Variants in ARHGAP26 observed in about 807,000 individuals in gnomAD.
ARHGAP26 encodes the protein Rho GTPase activating protein 26.
A neutral mutation model predicts 104.8 loss-of-function variants in ARHGAP26; 38 were observed. That is an observed-to-expected ratio of 0.36 (90% CI 0.28 to 0.48). The LOEUF (loss-of-function observed/expected upper bound fraction) is 0.48, where lower values mean the gene tolerates loss of function less well. ARHGAP26 is among the 20% of genes least tolerant of loss of function. The probability of loss-of-function intolerance (pLI) is 0.99; values close to 1 mark genes in which losing one functional copy is unlikely to be tolerated. For synonymous variants in ARHGAP26, 341 were observed against 340.0 expected (o/e 1.00, Z -0.03); for missense variants, 704 against 947.9 (o/e 0.74, Z 3.38).
At chr5:142,832,698 G>A (rs1289037354) in intron 1 of ARHGAP26, among the ~76,000 whole-genome samples, 1 of 152,174 alleles carries the variant, frequency 6.6e-6, no homozygotes, top group Non-Finnish European at 1.5e-5. Context: ...TGGTCAAAAT[G>A]TAAGAGCAAG....
At chr5:142,980,810 A>G (rs1773837517) in intron 11 of ARHGAP26, among the ~76,000 whole-genome samples, 2 of 152,204 alleles carry the variant, frequency 1.3e-5, no homozygotes, top group Non-Finnish European at 2.9e-5. Flanking sequence ...ATTGCCACAT[A>G]GTCTTGCAAA....
intron 17 of ARHGAP26, among the ~76,000 whole-genome samples, chr5:143,104,588 A>G (rs1793732337): frequency 6.6e-6 from 1 of 152,232 alleles, no homozygotes; most frequent in East Asian, 1.9e-4. Flanking sequence ...CTAGGGAAAG[A>G]AAGATATATG....
intron 11 of ARHGAP26, among the ~76,000 whole-genome samples, chr5:142,997,877 A>G (rs1342213240): frequency 6.6e-6 from 1 of 152,144 alleles, no homozygotes; most frequent in Non-Finnish European, 1.5e-5. Context: ...ATATGAAAAT[A>G]CTTGTGAGAT....
At chr5:143,136,048 T>G (rs1220155850) in intron 19 of ARHGAP26, among the ~76,000 whole-genome samples, 1 of 152,242 alleles carries the variant, frequency 6.6e-6, no homozygotes, top group Non-Finnish European at 1.5e-5. Context: ...GTTTTGTACT[T>G]ATCAGTGTAC....
chr5:143,015,635 G>T (rs1313856119), intron 12 of ARHGAP26, among the ~76,000 whole-genome samples: 1 of 152,162 alleles, frequency 6.6e-6, no homozygotes, highest in Non-Finnish European at 1.5e-5. Context: ...AGAGGGGATG[G>T]ATGCCAAGCA....
Position 143,222,576 on chromosome 5 carries a change from G to C in ARHGAP26, c.*130G>C. On this transcript the variant is annotated 3_prime_UTR_variant, in exon 23 of 23. Coordinates refer to ENST00000645722, the MANE Select transcript of ARHGAP26 (RefSeq NM_001135608.3). ...TGACTCTGTTGCTACCTGTCAACAT[G>C]AATGTTTCTGTGAGCTCTGGTGTCA... 1.6e-6 allele frequency: 1 copy of C among 626,332 alleles called. No homozygotes were observed. The highest frequency in any genetic ancestry group is 3.4e-5 in the South Asian group (1 of 29,118). 38.8% of individuals were successfully genotyped at this position (626,332 alleles called of 1,614,324 possible). A position where few individuals can be genotyped will look rare whatever the true frequency, so the allele number is the denominator to read the frequency against.
chr5:143,027,175 GTT>G (rs10551710), intron 12 of ARHGAP26, among the ~76,000 whole-genome samples: 37,785 of 140,824 alleles, frequency 0.27, 9,081 homozygotes, highest in African/African-American at 0.65. Context: ...GATTTTTTGT[GTT>G]TTTTTTTTTT....
intron 18 of ARHGAP26, among the ~76,000 whole-genome samples, chr5:143,128,053 G>A (rs1438502295): frequency 6.6e-6 from 1 of 152,046 alleles, no homozygotes; most frequent in Non-Finnish European, 1.5e-5. Context: ...TCCTTGTTAG[G>A]GTTCAGAAGC....
intron 11 of ARHGAP26, among the ~76,000 whole-genome samples, chr5:142,957,684 C>T (rs1221207555): frequency 2.0e-5 from 3 of 152,234 alleles, no homozygotes; most frequent in African/African-American, 7.2e-5. Flanking sequence ...AGCCTCTTCT[C>T]GCATTGCAGT....
At chr5:143,201,610 G>T (rs3776227) in intron 20 of ARHGAP26, among the ~76,000 whole-genome samples, 17,856 of 152,188 alleles carry the variant, frequency 0.12, 1,329 homozygotes, top group Non-Finnish European at 0.16. Flanking sequence ...AGTGAAAGGA[G>T]AATTTAAGAT....
intron 1 of ARHGAP26, among the ~76,000 whole-genome samples, chr5:142,831,872 A>G (rs1768508262): frequency 6.6e-6 from 1 of 152,188 alleles, no homozygotes; most frequent in South Asian, 2.1e-4. Context: ...GCTCCTTGCA[A>G]CATAGCTACC....
intron 17 of ARHGAP26, among the ~76,000 whole-genome samples, chr5:143,094,561 T>A (rs1452154370): frequency 1.3e-5 from 2 of 152,178 alleles, no homozygotes; most frequent in Non-Finnish European, 2.9e-5. Context: ...AATATAAAAT[T>A]TTCTTTTTAA....
At chr5:143,008,988 A>G (rs781024913) in intron 11 of ARHGAP26, among the ~76,000 whole-genome samples, 1 of 151,996 alleles carries the variant, frequency 6.6e-6, no homozygotes, top group Non-Finnish European at 1.5e-5. Flanking sequence ...CCCTCCTTTG[A>G]TTTATTAAAT....
At chr5:142,993,051 G>T (rs1038103418) in intron 11 of ARHGAP26, among the ~76,000 whole-genome samples, 1 of 151,574 alleles carries the variant, frequency 6.6e-6, no homozygotes, top group Non-Finnish European at 1.5e-5. Context: ...GCGGGATCTC[G>T]GCTCACTGCA....
At chr5:142,975,227 C>T (rs190742539) in intron 11 of ARHGAP26, among the ~76,000 whole-genome samples, 2 of 152,246 alleles carry the variant, frequency 1.3e-5, no homozygotes, top group Admixed American at 6.5e-5. Flanking sequence ...CTGCTCACCC[C>T]TCCTAGGCCT....
In ARHGAP26 at chr5:143,223,047, G is replaced by A. The variant is rs909860631; in HGVS notation, c.*601G>A. 5 of 233,272 alleles carry A rather than the reference G, an allele frequency of 2.1e-5. No individual in the cohort carries two copies. The highest frequency in any genetic ancestry group is 1.1e-4 in the African/African-American group (5 of 45,330). The allele number at this position is 233,272 out of a possible 1,614,324, so 14.5% of individuals were successfully genotyped here. ...AAGCAGCCGTTGGCCTGTCATCAGT[G>A]AGATACAATCCAGTCTTCTCATGCA... On this transcript the variant is annotated 3_prime_UTR_variant, in exon 23 of 23. Transcript: ENST00000645722.
chr5:142,999,408 A>G (rs948523462), intron 11 of ARHGAP26, among the ~76,000 whole-genome samples: 2 of 152,204 alleles, frequency 1.3e-5, no homozygotes, highest in Admixed American at 1.3e-4. Context: ...CAAAGGATAT[A>G]TGAATCAATT....
At chr5:143,139,922 C>T (rs1434487393) in intron 19 of ARHGAP26, among the ~76,000 whole-genome samples, 1 of 152,180 alleles carries the variant, frequency 6.6e-6, no homozygotes, top group Non-Finnish European at 1.5e-5. Flanking sequence ...GCAACAAGGT[C>T]TTGTACCTTA....
intron 5 of ARHGAP26, among the ~76,000 whole-genome samples, chr5:142,886,968 C>G (rs1035780640): frequency 2.6e-5 from 4 of 152,222 alleles, no homozygotes; most frequent in South Asian, 2.1e-4. Flanking sequence ...GCCCAGCTCT[C>G]CAGTTTCTAA....
Sources: allele counts gnomAD v4.1 joint callset (sites outside exome capture counted in the v4.1 genomes callset), GRCh38; gene constraint gnomAD v4.1.1; transcripts MANE v1.5; gene names NCBI Gene and HGNC (gene_info 2026-07-23, HGNC 2026-07-21).